Variants in ADIPOR2 observed in about 807,000 individuals in gnomAD.
ADIPOR2 encodes the protein adiponectin receptor 2.
Under a neutral mutation model 40.9 loss-of-function variants are expected in ADIPOR2, and 18 were observed. The observed-to-expected ratio is 0.44, with a 90% CI of 0.30 to 0.65. The LOEUF (loss-of-function observed/expected upper bound fraction) is 0.65. Ranked by LOEUF, ADIPOR2 falls within the 30% of genes least tolerant of loss-of-function variation. The pLI, the probability that ADIPOR2 is intolerant of heterozygous loss-of-function variation, is 0.09. For missense variants in ADIPOR2, 283 were observed against 479.2 expected, an observed-to-expected ratio of 0.59 and a Z score of 3.82; for synonymous variants, 165 against 166.4, an observed-to-expected ratio of 0.99 and a Z score of 0.06.
intron 2 of ADIPOR2, chr12:1,757,242 T>C (rs2079944313): frequency 1.8e-6 from 1 of 558,852 alleles, no homozygotes; most frequent in Non-Finnish European, 3.3e-6. Flanking sequence ...CACCCACTGC[T>C]CTGTTTGGTC....
chr12:1,691,453 C>T (rs930326319), intron 1 of ADIPOR2, among the ~76,000 whole-genome samples: 4 of 152,158 alleles, frequency 2.6e-5, no homozygotes, highest in Non-Finnish European at 5.9e-5. Context: ...AGTCCGGCGC[C>T]CGCTGTTCCC....
At chr12:1,756,937 A>C (rs67365540) in intron 2 of ADIPOR2, among the ~76,000 whole-genome samples, 20,317 of 152,070 alleles carry the variant, frequency 0.13, 1,519 homozygotes, top group African/African-American at 0.2. Flanking sequence ...GAGCGGGTTT[A>C]AGGTAGGGAA....
intron 1 of ADIPOR2, among the ~76,000 whole-genome samples, chr12:1,751,901 T>TTTTTC (rs1015772827): frequency 2.0e-5 from 3 of 151,514 alleles, no homozygotes; most frequent in Non-Finnish European, 4.4e-5. Context: ...TGTGCTGATA[T>TTTTTC]TTTTCTTTTC....
At chr12:1,722,563 T>A (rs1302195556) in intron 1 of ADIPOR2, among the ~76,000 whole-genome samples, 1 of 152,066 alleles carries the variant, frequency 6.6e-6, no homozygotes, top group African/African-American at 2.4e-5. Flanking sequence ...AAGTATCAGG[T>A]AAAGGATGGA....
At chr12:1,721,098 G>A (rs986781738) in intron 1 of ADIPOR2, among the ~76,000 whole-genome samples, 2 of 151,124 alleles carry the variant, frequency 1.3e-5, no homozygotes, top group South Asian at 2.1e-4. Flanking sequence ...AAGTCTCCCC[G>A]AAATGTATAA....
In ADIPOR2 at chr12:1,785,887, G is replaced by T; in HGVS notation, c.1033-57G>T. The T allele has an allele frequency of 1.9e-6, 3 of 1,591,428 alleles. No individual in the cohort carries two copies. In the South Asian group the frequency reaches 3.4e-5, roughly 18 times the overall value. On this transcript the variant is annotated intron_variant, in intron 7 of 7. Transcript: ENST00000357103. ...GATTAAACGATCCTAAGAATCTTTA[G>T]CAGTCTTAATAATGTATGGGTTTCT...
At chr12:1,708,188 T>G (rs1055676235) in intron 1 of ADIPOR2, among the ~76,000 whole-genome samples, 5 of 149,158 alleles carry the variant, frequency 3.4e-5, no homozygotes, top group African/African-American at 1.2e-4. Context: ...AAATATGGGT[T>G]TTTTTTTTTT....
intron 1 of ADIPOR2, among the ~76,000 whole-genome samples, chr12:1,751,826 G>T (rs1222202580): frequency 6.6e-6 from 1 of 151,244 alleles, no homozygotes; most frequent in Non-Finnish European, 1.5e-5. Context: ...GCCTGAGCGT[G>T]CGTTTATAGT....
At chr12:1,719,465 T>G (rs2094693678) in intron 1 of ADIPOR2, among the ~76,000 whole-genome samples, 1 of 152,222 alleles carries the variant, frequency 6.6e-6, no homozygotes. Flanking sequence ...ACTCTGCCAT[T>G]TAGTAACTAT....
At chr12:1,734,977 A>G (rs1592597941) in intron 1 of ADIPOR2, among the ~76,000 whole-genome samples, 2 of 152,296 alleles carry the variant, frequency 1.3e-5, no homozygotes, top group East Asian at 3.9e-4. Flanking sequence ...TACCAGTACC[A>G]TGCTGTTTTG....
intron 1 of ADIPOR2, among the ~76,000 whole-genome samples, chr12:1,740,083 C>G (rs1356140653): frequency 6.6e-6 from 1 of 151,486 alleles, no homozygotes; most frequent in Non-Finnish European, 1.5e-5. Flanking sequence ...GCCTGGGCGA[C>G]AAGAGCGAGG....
At chr12:1,702,721 G>T (rs142656768) in intron 1 of ADIPOR2, among the ~76,000 whole-genome samples, 9 of 152,240 alleles carry the variant, frequency 5.9e-5, no homozygotes, top group African/African-American at 1.7e-4. Flanking sequence ...TTCTCAGTCT[G>T]TGTGGCTTAT....
intron 3 of ADIPOR2, among the ~76,000 whole-genome samples, chr12:1,775,703 T>C (rs891903679): frequency 6.6e-6 from 1 of 152,184 alleles, no homozygotes; most frequent in Non-Finnish European, 1.5e-5. Flanking sequence ...CAACATTCTG[T>C]AAGGTTAATC....
intron 1 of ADIPOR2, among the ~76,000 whole-genome samples, chr12:1,706,403 C>A (rs567271802): frequency 6.6e-6 from 1 of 152,128 alleles, no homozygotes; most frequent in East Asian, 1.9e-4. Context: ...GTTGGAGAAA[C>A]CAGAATTGTT....
intron 2 of ADIPOR2, among the ~76,000 whole-genome samples, chr12:1,758,874 C>T (rs1458919759): frequency 6.6e-6 from 1 of 152,160 alleles, no homozygotes; most frequent in African/African-American, 2.4e-5. Context: ...CAAAACTATA[C>T]TCTGAAATAG....
chr12:1,745,999 T>G (rs534264312), intron 1 of ADIPOR2, among the ~76,000 whole-genome samples: 1 of 152,170 alleles, frequency 6.6e-6, no homozygotes, highest in Non-Finnish European at 1.5e-5. Flanking sequence ...AAAATAAGTC[T>G]TCTTCCTATG....
intron 2 of ADIPOR2, among the ~76,000 whole-genome samples, chr12:1,755,887 T>C (rs1376035985): frequency 2.0e-5 from 3 of 152,156 alleles, no homozygotes; most frequent in African/African-American, 7.2e-5. Flanking sequence ...TTAAATTGTT[T>C]TAGTTTTATA....
At chr12:1,775,149 A>T (rs1466468699) in intron 3 of ADIPOR2, among the ~76,000 whole-genome samples, 1 of 152,192 alleles carries the variant, frequency 6.6e-6, no homozygotes, top group East Asian at 1.9e-4. Flanking sequence ...TTTTTAAGAA[A>T]TGTTTTTGTG....
chr12:1,733,607 TTTA>T (rs1451575221), intron 1 of ADIPOR2, among the ~76,000 whole-genome samples: 4 of 152,016 alleles, frequency 2.6e-5, no homozygotes, highest in Non-Finnish European at 4.4e-5. Flanking sequence ...TGTGTTCTTA[TTTA>T]TTTATTTATT....
Sources: allele counts gnomAD v4.1 joint callset (sites outside exome capture counted in the v4.1 genomes callset), GRCh38; gene constraint gnomAD v4.1.1; transcripts MANE v1.5; gene names NCBI Gene and HGNC (gene_info 2026-07-23, HGNC 2026-07-21).